Variants in TMEM132B observed in about 807,000 individuals in gnomAD.
The protein encoded by TMEM132B is transmembrane protein 132B.
A neutral mutation model predicts 90.8 loss-of-function variants in TMEM132B; 18 were observed. The ratio of observed to expected loss-of-function variants is 0.20; its 90% CI spans 0.14 to 0.29. TMEM132B has a LOEUF of 0.29. Among genes scored for constraint, TMEM132B ranks in the 10% least tolerant of loss-of-function variants. The pLI is 1.00. For missense variants in TMEM132B, 1,096 were observed against 1,326.8 expected, an observed-to-expected ratio of 0.83 and a Z score of 2.70; for synonymous variants, 504 against 523.3, an observed-to-expected ratio of 0.96 and a Z score of 0.50.
chr12:125,494,352 C>T lies in TMEM132B; in HGVS notation c.1107-25087C>T, dbSNP rs555851395. Among the ~76,000 whole-genome samples the T allele has an allele frequency of 2.2e-5, 3 of 137,028 alleles. No homozygotes were observed. In the Admixed American group the frequency reaches 2.2e-4, roughly 10 times the overall value. The allele number at this position is 137,028 out of a possible 152,430, so 89.9% of individuals were successfully genotyped here. ...CCTCACTGGAAAAGGATGCGTCCCT[C>T]CGCCCCCTCCTCCCTGGAAATGGGC... On this transcript the variant is annotated intron_variant, in intron 3 of 8. Transcript: ENST00000682704.
intron 3 of TMEM132B, among the ~76,000 whole-genome samples, chr12:125,503,857 G>A (rs1304212281): frequency 1.3e-5 from 2 of 152,166 alleles, no homozygotes; most frequent in Non-Finnish European, 2.9e-5. Flanking sequence ...GCTCAGTTCT[G>A]TGTAAAGAAT....
At chr12:125,549,348 C>G (rs1884164713) in intron 4 of TMEM132B, among the ~76,000 whole-genome samples, 1 of 152,224 alleles carries the variant, frequency 6.6e-6, no homozygotes, top group African/African-American at 2.4e-5. Context: ...AAAACAGCCT[C>G]CCTTTCAGAT....
chr12:125,489,744 TG>T (rs1226346391), intron 3 of TMEM132B, among the ~76,000 whole-genome samples: 2 of 152,218 alleles, frequency 1.3e-5, no homozygotes, highest in African/African-American at 4.8e-5. Context: ...CATTAGAAGC[TG>T]GGAGTTTTGA....
chr12:125,261,958 A>G (rs1200853019), intron 1 of TMEM132B, among the ~76,000 whole-genome samples: 2 of 152,184 alleles, frequency 1.3e-5, no homozygotes, highest in Non-Finnish European at 2.9e-5. Flanking sequence ...GGCCTCCCAA[A>G]GTGCTTGGGG....
intron 1 of TMEM132B, among the ~76,000 whole-genome samples, chr12:125,266,185 C>T (rs182874828): frequency 2.6e-5 from 4 of 152,072 alleles, no homozygotes; most frequent in Non-Finnish European, 5.9e-5. Flanking sequence ...GCTGAGATCG[C>T]GCCACTGCAC....
rs551979830 is a variant in TMEM132B, at chr12:125,478,403, G to T, written c.1107-41036G>T. On this transcript the variant is annotated intron_variant, in intron 3 of 8. Transcript: ENST00000682704. Reference sequence around the variant, plus strand: ...GACGGATGGCTAACTAGAATAAACAGTGTAGAGAAGACCTTAAATGACCTG... The same window carrying T: ...GACGGATGGCTAACTAGAATAAACATTGTAGAGAAGACCTTAAATGACCTG... Among the ~76,000 whole-genome samples, 8 of 152,314 alleles carry T rather than the reference G, an allele frequency of 5.3e-5. No individual in the cohort carries two copies. In the East Asian group the frequency reaches 1.5e-3, roughly 29 times the overall value.
At chr12:125,399,706 TAGCATAG>T (rs1341646771) in intron 2 of TMEM132B, among the ~76,000 whole-genome samples, 4 of 152,174 alleles carry the variant, frequency 2.6e-5, no homozygotes, top group Admixed American at 2.6e-4. Flanking sequence ...CTAATACAGC[TAGCATAG>T]AACAGGAAAG....
intron 5 of TMEM132B, among the ~76,000 whole-genome samples, chr12:125,588,571 G>A (rs1051485109): frequency 1.3e-5 from 2 of 152,086 alleles, no homozygotes; most frequent in African/African-American, 4.8e-5. Flanking sequence ...CAAGTGATCT[G>A]CCTGCCTCAG....
At chr12:125,377,095 T>C (rs1051316949) in intron 2 of TMEM132B, among the ~76,000 whole-genome samples, 2 of 152,222 alleles carry the variant, frequency 1.3e-5, no homozygotes, top group Admixed American at 6.5e-5. Flanking sequence ...GTTTCCCCAG[T>C]GCTGCTGCTA....
At chr12:125,271,948 A>G (rs964042035) in intron 1 of TMEM132B, among the ~76,000 whole-genome samples, 3 of 152,204 alleles carry the variant, frequency 2.0e-5, no homozygotes, top group Non-Finnish European at 2.9e-5. Context: ...ATCACTTGCC[A>G]TAAATAGCCA....
At chr12:125,462,292 A>G (rs936745386) in intron 3 of TMEM132B, among the ~76,000 whole-genome samples, 1 of 152,200 alleles carries the variant, frequency 6.6e-6, no homozygotes, top group African/African-American at 2.4e-5. Flanking sequence ...TCCTAAGTAG[A>G]TATTATATTA....
In TMEM132B at chr12:125,277,826, C is replaced by T. The variant is rs1875045398; in HGVS notation, c.68-71626C>T. On this transcript the variant is annotated intron_variant, in intron 1 of 8. Coordinates refer to ENST00000682704, the MANE Select transcript of TMEM132B (RefSeq NM_001366854.1). This position sits in a 1 kb window ranked among gnomAD's most constrained non-coding sequence, Gnocchi z 4.3. ...TTAAAAAAAGTTGGACAAATGGCTA[C>T]TGTTTAAAAACAGAAATTTTATGTA... Among the ~76,000 whole-genome samples, 1 of 152,228 alleles carries T rather than the reference C, an allele frequency of 6.6e-6. No individual in the cohort carries two copies. Among genetic ancestry groups the T allele is most frequent in the Non-Finnish European group, 1.5e-5 (1 of 68,042 alleles).
intron 4 of TMEM132B, among the ~76,000 whole-genome samples, chr12:125,574,588 C>G (rs763885479): frequency 6.6e-6 from 1 of 152,010 alleles, no homozygotes; most frequent in Non-Finnish European, 1.5e-5. Flanking sequence ...ATTTGAGAAA[C>G]AAGAAGAGGA....
intron 3 of TMEM132B, among the ~76,000 whole-genome samples, chr12:125,430,243 T>C (rs1262845348): frequency 2.0e-5 from 3 of 152,212 alleles, no homozygotes; most frequent in Non-Finnish European, 4.4e-5. Flanking sequence ...GATTGGACCG[T>C]AGCTGTGGGG....
intron 4 of TMEM132B, among the ~76,000 whole-genome samples, chr12:125,548,205 C>G (rs1566069937): frequency 6.6e-6 from 1 of 152,150 alleles, no homozygotes; most frequent in Non-Finnish European, 1.5e-5. Flanking sequence ...ATTGAGTGCT[C>G]TGGGCTGACA....
At chr12:125,302,605 C>T (rs997760648) in intron 1 of TMEM132B, among the ~76,000 whole-genome samples, 2 of 152,158 alleles carry the variant, frequency 1.3e-5, no homozygotes, top group Admixed American at 1.3e-4. Flanking sequence ...TGGGATGGGA[C>T]TCTGGATTTT....
At chr12:125,569,207 T>A (rs1278342861) in intron 4 of TMEM132B, among the ~76,000 whole-genome samples, 1 of 152,152 alleles carries the variant, frequency 6.6e-6, no homozygotes, top group African/African-American at 2.4e-5. Context: ...GTTCCCAAGC[T>A]GGCATTTCCC....
chr12:125,578,297 C>A (rs1884980221), intron 4 of TMEM132B, among the ~76,000 whole-genome samples: 1 of 152,004 alleles, frequency 6.6e-6, no homozygotes, highest in Non-Finnish European at 1.5e-5. Context: ...TTAGGTGCAT[C>A]TGTTTTATAA....
intron 5 of TMEM132B, among the ~76,000 whole-genome samples, chr12:125,629,558 C>T (rs551847184): frequency 6.6e-6 from 1 of 152,054 alleles, no homozygotes; most frequent in Admixed American, 6.6e-5. Flanking sequence ...TAAGTTTTTC[C>T]AAATATAAGA....
Sources: gnomAD v4.1 joint callset for allele counts (sites outside exome capture counted in the v4.1 genomes callset) on GRCh38, gnomAD v4.1.1 for gene constraint, Gnocchi (gnomAD v3.1) non-coding constraint, MANE v1.5 for transcripts, NCBI Gene and HGNC (gene_info 2026-07-23, HGNC 2026-07-21) for gene names.